The following INPP4B variants were observed in gnomAD, a reference collection of about 807,000 sequenced individuals.
INPP4B encodes inositol polyphosphate-4-phosphatase type II B.
INPP4B carries 55 observed loss-of-function variants against 122.5 expected under a neutral mutation model. The observed-to-expected ratio is 0.45, with a 90% CI of 0.36 to 0.56. INPP4B has a LOEUF of 0.56. INPP4B is among the 20% of genes least tolerant of loss of function. The pLI, the probability that INPP4B is intolerant of heterozygous loss-of-function variation, is 0.00. For synonymous variants in INPP4B, 403 were observed against 388.7 expected (o/e 1.04, Z -0.43); for missense variants, 1,000 against 1,097.7 (o/e 0.91, Z 1.26).
Position 142,142,119 on chromosome 4 carries a change from T to A in INPP4B, c.1720+3721A>T, listed in dbSNP as rs149900396. On this transcript the variant is annotated intron_variant, in intron 18 of 25. Transcript: ENST00000262992. ...ATATCATACATTGTAATAAATACTATATGTCTCAAATTGCTTGCCTAATCA... is the reference window on the plus strand; with the variant it reads ...ATATCATACATTGTAATAAATACTAAATGTCTCAAATTGCTTGCCTAATCA... 5.2e-3 allele frequency among the ~76,000 whole-genome samples: 784 copies of A among 152,218 alleles called. 10 individuals carry two copies. The highest frequency in any genetic ancestry group is 0.018 in the African/African-American group (746 of 41,560).
At chr4:142,178,372 T>C (rs2152967204) in intron 15 of INPP4B, among the ~76,000 whole-genome samples, 1 of 152,320 alleles carries the variant, frequency 6.6e-6, no homozygotes, top group African/African-American at 2.4e-5. Context: ...CTTAAACTTA[T>C]CTATTGCAAG....
intron 4 of INPP4B, 50 bp downstream of exon 4, chr4:142,431,119 C>T (rs2149372599): frequency 7.1e-7 from 1 of 1,398,612 alleles, no homozygotes; most frequent in Non-Finnish European, 1.0e-6. Context: ...TTCATCGGCC[C>T]AATTTGCATC....
At chr4:142,776,935 T>A (rs1000009258) in intron 1 of INPP4B, among the ~76,000 whole-genome samples, 1 of 152,138 alleles carries the variant, frequency 6.6e-6, no homozygotes, top group Non-Finnish European at 1.5e-5. Context: ...TGGAACTCAG[T>A]TCAAGGTTGC....
intron 16 of INPP4B, among the ~76,000 whole-genome samples, chr4:142,166,590 A>G (rs1262496999): frequency 6.6e-6 from 1 of 151,912 alleles, no homozygotes; most frequent in Non-Finnish European, 1.5e-5. Context: ...AACTATCAAC[A>G]GAGTAAACAG....
chr4:142,200,578 A>AT (rs113264131), intron 14 of INPP4B, among the ~76,000 whole-genome samples: 2 of 151,828 alleles, frequency 1.3e-5, no homozygotes, highest in East Asian at 3.9e-4. Flanking sequence ...TTTTATTATC[A>AT]TTTTTTATAA....
chr4:142,435,850 C>T (rs1810360362), intron 3 of INPP4B, among the ~76,000 whole-genome samples: 1 of 152,280 alleles, frequency 6.6e-6, no homozygotes, highest in African/African-American at 2.4e-5. Flanking sequence ...TGCAGATTCT[C>T]AACAGCCACT....
intron 2 of INPP4B, among the ~76,000 whole-genome samples, chr4:142,496,291 A>AT (rs898518805): frequency 2.6e-5 from 4 of 152,008 alleles, no homozygotes; most frequent in Non-Finnish European, 5.9e-5. Context: ...CCATTGTATG[A>AT]TTACACCAAA....
intron 5 of INPP4B, among the ~76,000 whole-genome samples, chr4:142,421,878 G>C (rs950121941): frequency 2.6e-5 from 4 of 151,964 alleles, no homozygotes; most frequent in Non-Finnish European, 4.4e-5. Context: ...ACCACAATCT[G>C]CCTGACATTA....
rs530748013 is a variant in INPP4B at position 142,373,589 on chromosome 4, TG to T, written c.372+29348del. ...TGCCTCAATTTCCTCATCTAGAAAA[TG>T]GGAATGACACTAATAGTATCTATGT... is the stretch of plus-strand genomic sequence containing the variant. On this transcript the variant is annotated intron_variant, in intron 7 of 25. Coordinates refer to ENST00000262992, the MANE Select transcript of INPP4B (RefSeq NM_001101669.3). Among the ~76,000 whole-genome samples the T allele has an allele frequency of 5.0e-3, 760 of 151,910 alleles. 7 individuals are homozygous for T. The highest frequency in any genetic ancestry group is 0.018 in the African/African-American group (732 of 41,476).
chr4:142,677,320 A>C (rs1757958084), intron 2 of INPP4B, among the ~76,000 whole-genome samples: 1 of 152,100 alleles, frequency 6.6e-6, no homozygotes, highest in Non-Finnish European at 1.5e-5. Flanking sequence ...TTAGAATGGC[A>C]ATCATTAAAA....
intron 2 of INPP4B, among the ~76,000 whole-genome samples, chr4:142,497,156 A>G (rs979719239): frequency 2.0e-5 from 3 of 152,080 alleles, no homozygotes; most frequent in Non-Finnish European, 4.4e-5. Flanking sequence ...TTTCTCTAGC[A>G]TGCCCACATA....
rs546266909 is a variant in INPP4B at position 142,628,068 on chromosome 4, C to A, written c.-191+97771G>T. Among the ~76,000 whole-genome samples the A allele has an allele frequency of 6.6e-5, 10 of 151,974 alleles. No individual in the cohort carries two copies. In the South Asian group the frequency reaches 8.3e-4, roughly 13 times the overall value. The stretch of plus-strand genomic sequence containing the variant: ...CAGCCATCCCATTACTGGGTATATA[C>A]CCAAAGGACTATAAATCATGCTGCT... On this transcript the variant is annotated intron_variant, in intron 2 of 25. Coordinates refer to ENST00000262992, the MANE Select transcript of INPP4B (RefSeq NM_001101669.3).
At chr4:142,256,238 C>T (rs1735951417) in intron 11 of INPP4B, among the ~76,000 whole-genome samples, 1 of 151,196 alleles carries the variant, frequency 6.6e-6, no homozygotes, top group African/African-American at 2.4e-5. Context: ...ACTAAATGCC[C>T]ACAAGAGAAA....
At chr4:142,252,737 T>C (rs886669386) in intron 11 of INPP4B, among the ~76,000 whole-genome samples, 1 of 152,240 alleles carries the variant, frequency 6.6e-6, no homozygotes, top group African/African-American at 2.4e-5. Flanking sequence ...TGAATCCATA[T>C]ATCTATTCTT....
At chr4:142,120,418 T>C (rs74523160) in intron 21 of INPP4B, among the ~76,000 whole-genome samples, 2,343 of 152,200 alleles carry the variant, frequency 0.015, 27 homozygotes, top group Non-Finnish European at 0.025. Flanking sequence ...AGATCAATTA[T>C]GGAGAATTAC....
chr4:142,603,958 A>G (rs1246684577), intron 2 of INPP4B, among the ~76,000 whole-genome samples: 1 of 151,962 alleles, frequency 6.6e-6, no homozygotes, highest in East Asian at 1.9e-4. Flanking sequence ...CCTGCTGAAC[A>G]TAGGTGCAAA....
At chr4:142,372,698 C>T (rs972693744) in intron 7 of INPP4B, among the ~76,000 whole-genome samples, 1 of 151,974 alleles carries the variant, frequency 6.6e-6, no homozygotes, top group Non-Finnish European at 1.5e-5. Flanking sequence ...AAATGTGTGC[C>T]TCTGACAGAG....
At chr4:142,395,508 C>T (rs1174676348) in intron 7 of INPP4B, among the ~76,000 whole-genome samples, 1 of 151,998 alleles carries the variant, frequency 6.6e-6, no homozygotes, top group Non-Finnish European at 1.5e-5. Flanking sequence ...GACCTTTCTT[C>T]AAAAAATTAA....
intron 21 of INPP4B, among the ~76,000 whole-genome samples, chr4:142,114,990 C>T (rs150056319): frequency 2.6e-5 from 4 of 152,032 alleles, no homozygotes; most frequent in Non-Finnish European, 5.9e-5. Context: ...CTGAAAACCA[C>T]GGCACAAGAA....
Sources: allele counts gnomAD v4.1 joint callset (sites outside exome capture counted in the v4.1 genomes callset), GRCh38; gene constraint gnomAD v4.1.1; transcripts MANE v1.5; gene names NCBI Gene and HGNC (gene_info 2026-07-23, HGNC 2026-07-21).